Variants in RNASET2 observed in about 807,000 individuals in gnomAD.
The protein encoded by RNASET2 is ribonuclease 6.
Under a neutral mutation model 33.9 loss-of-function variants are expected in RNASET2, and 28 were observed. The ratio of observed to expected loss-of-function variants is 0.83; its 90% CI spans 0.61 to 1.13. The LOEUF (loss-of-function observed/expected upper bound fraction) is 1.13. Ranked by LOEUF, RNASET2 falls within the 50% of genes most tolerant of loss-of-function variation. The probability of loss-of-function intolerance (pLI) is 0.00; values close to 1 mark genes in which losing one functional copy is unlikely to be tolerated. For synonymous variants in RNASET2, 123 were observed against 121.0 expected (o/e 1.02, Z -0.11); for missense variants, 330 against 319.9 (o/e 1.03, Z -0.24).
intron 6 of RNASET2, among the ~76,000 whole-genome samples, chr6:166,938,340 A>G (rs556359897): frequency 1.1e-4 from 16 of 152,230 alleles, no homozygotes; most frequent in Admixed American, 5.2e-4. Flanking sequence ...CTCAGAAGGC[A>G]CTTTGCTTTA....
In RNASET2 at chr6:166,923,519, C is replaced by T. The variant is rs1169328197; in HGVS notation, c.*6069G>A. On this transcript the variant is annotated 3_prime_UTR_variant, in exon 9 of 9. Transcript: ENST00000508775. The stretch of plus-strand genomic sequence containing the variant: ...ACAGGTATAAGCCACTGCGCCTGGC[C>T]CATCTCAAACTTTCTAATAACTATC... Among the ~76,000 whole-genome samples the T allele has an allele frequency of 6.6e-6, 1 of 152,052 alleles. No individual in the cohort carries two copies. Among genetic ancestry groups the T allele is most frequent in the Non-Finnish European group, 1.5e-5 (1 of 68,012 alleles).
chr6:166,923,228 C>CTTTTTT lies in RNASET2; in HGVS notation c.*6354_*6359dup, dbSNP rs576639665. ...ACAGGCGTGAGCCACCAGGCCCGGC[C>CTTTTTT]TTTTTTTTTTTTTTTTTTTTTGAGA... is the stretch of plus-strand genomic sequence containing the variant. On this transcript the variant is annotated 3_prime_UTR_variant, in exon 9 of 9. Transcript: ENST00000508775. 4.9e-5 allele frequency among the ~76,000 whole-genome samples: 5 copies of CTTTTTT among 102,670 alleles called. No homozygotes were observed. Among genetic ancestry groups the CTTTTTT allele is most frequent in the Non-Finnish European group, 7.3e-5 (4 of 54,584 alleles). 67.4% of individuals were successfully genotyped at this position (102,670 alleles called of 152,430 possible).
chr6:166,943,522 C>T (rs938993688), intron 4 of RNASET2: 6 of 328,168 alleles, frequency 1.8e-5, no homozygotes, highest in African/African-American at 6.6e-5. Context: ...GAATGAGATT[C>T]GCGGTTGCTT....
At position 166,923,115 on chromosome 6, in the gene RNASET2, T is replaced by A. The variant is rs1778256878; in HGVS notation, c.*6473A>T. ...CTCAAACTTTCTTTTGGAGATGGAG[T>A]CTCACTCTGTTGCCCAGGCTGGAGG... On this transcript the variant is annotated 3_prime_UTR_variant, in exon 9 of 9. Coordinates refer to ENST00000508775, the MANE Select transcript of RNASET2 (RefSeq NM_003730.6). Among the ~76,000 whole-genome samples, 1 of 152,162 alleles carries A rather than the reference T, an allele frequency of 6.6e-6. No individual in the cohort carries two copies. The highest frequency in any genetic ancestry group is 2.4e-5 in the African/African-American group (1 of 41,436).
intron 2 of RNASET2, among the ~76,000 whole-genome samples, chr6:166,951,365 G>A (rs1397280263): frequency 6.6e-6 from 1 of 152,248 alleles, no homozygotes; most frequent in Non-Finnish European, 1.5e-5. Flanking sequence ...AGATGGCTGT[G>A]GGCAGGCCTG....
intron 2 of RNASET2, among the ~76,000 whole-genome samples, chr6:166,951,356 G>A (rs186637199): frequency 1.1e-4 from 17 of 152,380 alleles, no homozygotes; most frequent in African/African-American, 4.1e-4. Context: ...TAGGCCTCCA[G>A]ATGGCTGTGG....
rs538100571 is a variant in RNASET2, at chr6:166,952,216, A to AC, written c.147+271dup. On this transcript the variant is annotated intron_variant, in intron 2 of 8. Transcript: ENST00000508775. ...CTTCCAGGAGGAACCAACCCTTCTG[A>AC]CCCCTAGGTTGAAACTTCCCCTTCC... is the stretch of plus-strand genomic sequence containing the variant. 3.7e-4 allele frequency among the ~76,000 whole-genome samples: 56 copies of AC among 152,308 alleles called. 1 individual carries two copies. The South Asian group carries it at 0.011, about 31-fold the overall frequency.
At chr6:166,944,836 G>A (rs1778789707) in intron 4 of RNASET2, among the ~76,000 whole-genome samples, 1 of 151,948 alleles carries the variant, frequency 6.6e-6, no homozygotes, top group Non-Finnish European at 1.5e-5. Flanking sequence ...GTTAACACGG[G>A]GCTCCACCAG....
chr6:166,922,428 T>C lies in RNASET2; in HGVS notation c.*7160A>G, dbSNP rs776706955. ...ACCACTTGATTTCCAGGAATTGCCA[T>C]AGGCTAGAGTCTCAGGTGTATAAAA... On this transcript the variant is annotated 3_prime_UTR_variant, in exon 9 of 9. Transcript: ENST00000508775. Among the ~76,000 whole-genome samples, 119 of 152,182 alleles carry C rather than the reference T, an allele frequency of 7.8e-4. 1 individual carries two copies. Among genetic ancestry groups the C allele is most frequent in the Non-Finnish European group, 1.8e-4 (12 of 68,024 alleles).
intron 1 of RNASET2, among the ~76,000 whole-genome samples, chr6:166,955,321 ACACACGCACG>A (rs2128648381): frequency 1.5e-5 from 1 of 66,958 alleles, no homozygotes; most frequent in African/African-American, 7.8e-5. Context: ...ACACACGCAC[ACACACGCACG>A]CACGCACACG....
intron 4 of RNASET2, chr6:166,943,441 A>G (rs964775928): frequency 3.7e-5 from 13 of 352,188 alleles, no homozygotes; most frequent in African/African-American, 2.8e-4. Context: ...GCAAGAAGCC[A>G]GTCTGCAGAG....
At chr6:166,936,679 C>T (rs920868299) in intron 6 of RNASET2, among the ~76,000 whole-genome samples, 3 of 152,198 alleles carry the variant, frequency 2.0e-5, no homozygotes, top group Non-Finnish European at 2.9e-5. Flanking sequence ...CATTAACCTA[C>T]TCATGAGGGA....
chr6:166,947,645 A>C (rs1374412348), intron 3 of RNASET2, among the ~76,000 whole-genome samples: 3 of 152,180 alleles, frequency 2.0e-5, no homozygotes, highest in Non-Finnish European at 4.4e-5. Context: ...AGGTTATCTG[A>C]CCAGACAGAG....
chr6:166,953,055 C>T (rs1779026243), intron 1 of RNASET2: 1 of 206,244 alleles, frequency 4.8e-6, no homozygotes, highest in Non-Finnish European at 1.0e-5. Flanking sequence ...TTAGACTTCA[C>T]TTGCTTCTCT....
At chr6:166,929,906 C>T in intron 8 of RNASET2, 115 bp from the exon 9 acceptor site, 1 of 995,234 alleles carries the variant, frequency 1.0e-6, no homozygotes, top group African/African-American at 1.6e-5. Context: ...GGCTCCACAC[C>T]ACAGGTTCTA....
At chr6:166,939,395 C>T (rs1031310315) in intron 5 of RNASET2, among the ~76,000 whole-genome samples, 5 of 152,338 alleles carry the variant, frequency 3.3e-5, no homozygotes, top group African/African-American at 1.2e-4. Context: ...TCAGCACAGA[C>T]TATTCCCATG....
At chr6:166,946,905 G>C (rs759566934) in intron 3 of RNASET2, 166 bp from the exon 4 acceptor site, 2 of 680,432 alleles carry the variant, frequency 2.9e-6, no homozygotes, top group Non-Finnish European at 5.3e-6. Flanking sequence ...AGAAGATGCA[G>C]GTAAGAGGAG....
intron 2 of RNASET2, among the ~76,000 whole-genome samples, chr6:166,949,141 T>G (rs919491127): frequency 3.1e-5 from 4 of 130,322 alleles, no homozygotes; most frequent in Non-Finnish European, 6.2e-5. Context: ...TTGAACTCAG[T>G]GAGCCGAGAT....
chr6:166,952,453 C>G (rs769076202), intron 2 of RNASET2, 35 bp downstream of exon 2: 15 of 1,596,196 alleles, frequency 9.4e-6, no homozygotes, highest in Non-Finnish European at 1.2e-5. Flanking sequence ...CAGGGCTCCC[C>G]AGGCCCCAGG....
Sources: gnomAD v4.1 joint callset for allele counts (sites outside exome capture counted in the v4.1 genomes callset) on GRCh38, gnomAD v4.1.1 for gene constraint, MANE v1.5 for transcripts, NCBI Gene and HGNC (gene_info 2026-07-23, HGNC 2026-07-21) for gene names.